Variants in SP3 observed in about 807,000 individuals in gnomAD.
SP3 encodes the protein transcription factor Sp3.
Under a neutral mutation model 70.3 loss-of-function variants are expected in SP3, and 10 were observed. The ratio of observed to expected loss-of-function variants is 0.14; its 90% CI spans 0.09 to 0.24. The LOEUF (loss-of-function observed/expected upper bound fraction) is 0.24. Ranked by LOEUF, SP3 falls within the 10% of genes least tolerant of loss-of-function variation. The pLI is 1.00. For missense variants in SP3, 825 were observed against 914.6 expected (o/e 0.90, Z 1.26); for synonymous variants, 402 against 333.5 (o/e 1.21, Z -2.24).
intron 4 of SP3, among the ~76,000 whole-genome samples, chr2:173,935,739 A>G (rs949941523): frequency 6.6e-6 from 1 of 152,116 alleles, no homozygotes; most frequent in Non-Finnish European, 1.5e-5. Context: ...TCAGCCCTCC[A>G]TCTCTACTAG....
chr2:173,910,328 A>C, intron 6 of SP3, 71 bp from the exon 7 acceptor site: 8 of 1,321,878 alleles, frequency 6.1e-6, no homozygotes, highest in South Asian at 1.2e-5. Flanking sequence ...CTCCCCCAAA[A>C]CAGAAAGTAA....
intron 4 of SP3, among the ~76,000 whole-genome samples, chr2:173,949,812 C>T (rs1433778137): frequency 6.6e-6 from 1 of 152,154 alleles, no homozygotes; most frequent in African/African-American, 2.4e-5. Flanking sequence ...CTTCTATAAA[C>T]TCTTCTTCCA....
At chr2:173,927,276 CTT>C (rs34409340) in intron 4 of SP3, among the ~76,000 whole-genome samples, 64 of 141,970 alleles carry the variant, frequency 4.5e-4, no homozygotes, top group Admixed American at 4.2e-4. Context: ...AACTATATAT[CTT>C]TTTTTTTTTT....
At chr2:173,949,448 C>G (rs1690647538) in intron 4 of SP3, among the ~76,000 whole-genome samples, 1 of 151,614 alleles carries the variant, frequency 6.6e-6, no homozygotes, top group Non-Finnish European at 1.5e-5. Flanking sequence ...AGCACACTGC[C>G]AAGACACTAT....
In SP3 at chr2:173,906,129, A is replaced by G. The variant is rs975547765; in HGVS notation, c.*3812T>C. ...TGCAATTTGGCAGCCCCTCTTAAAA[A>G]TTTTTCCACTCTGTCCCTCACAAAG... On this transcript the variant is annotated 3_prime_UTR_variant, in exon 7 of 7. Transcript: ENST00000310015. 6.6e-6 allele frequency among the ~76,000 whole-genome samples: 1 copy of G among 151,926 alleles called. No individual in the cohort carries two copies. Among genetic ancestry groups the G allele is most frequent in the Admixed American group, 6.6e-5 (1 of 15,194 alleles).
At chr2:173,950,204 G>T (rs1437669824) in intron 4 of SP3, among the ~76,000 whole-genome samples, 1 of 151,564 alleles carries the variant, frequency 6.6e-6, no homozygotes, top group African/African-American at 2.4e-5. Flanking sequence ...CAAAAAAGAA[G>T]GGAACAAAGT....
chr2:173,933,622 T>A (rs774273803), intron 4 of SP3, among the ~76,000 whole-genome samples: 1 of 95,240 alleles, frequency 1.0e-5, no homozygotes, highest in Non-Finnish European at 2.2e-5. Flanking sequence ...TACAAATGAC[T>A]AACATTTATA....
intron 3 of SP3, among the ~76,000 whole-genome samples, chr2:173,962,467 G>A (rs772412726): frequency 7.2e-5 from 11 of 152,192 alleles, no homozygotes; most frequent in Admixed American, 5.2e-4. Context: ...GAAATGAGGT[G>A]AACAGAAGGC....
rs1477846467 is a variant in SP3, at chr2:173,903,690, GA to G, written c.*6250del. 6.6e-6 allele frequency among the ~76,000 whole-genome samples: 1 copy of G among 152,184 alleles called. No individual in the cohort carries two copies. The highest frequency in any genetic ancestry group is 1.5e-5 in the Non-Finnish European group (1 of 68,040). On this transcript the variant is annotated 3_prime_UTR_variant, in exon 7 of 7. Coordinates refer to ENST00000310015, the MANE Select transcript of SP3 (RefSeq NM_003111.5). ...ATAGAAACACAGGCTAATGCTGGCA[GA>G]AAGTCAGTATTCCACAAGACCAACC... is the stretch of plus-strand genomic sequence containing the variant.
In SP3 at chr2:173,906,584, T is replaced by C. The variant is rs1226962476; in HGVS notation, c.*3357A>G. 6.6e-6 allele frequency: 1 copy of C among 152,200 alleles called. No individual in the cohort carries two copies. The highest frequency in any genetic ancestry group is 2.4e-5 in the African/African-American group (1 of 41,456). 9.4% of individuals were successfully genotyped at this position (152,200 alleles called of 1,614,324 possible). A position where few individuals can be genotyped will look rare whatever the true frequency, so the allele number is the denominator to read the frequency against. ...AGGTAGCATAACATGTCAGTTTATA[T>C]TATTTTAAAACCAAATGTTATTCCA... On this transcript the variant is annotated 3_prime_UTR_variant, in exon 7 of 7. Transcript: ENST00000310015.
intron 4 of SP3, among the ~76,000 whole-genome samples, chr2:173,924,342 T>C (rs1409848472): frequency 1.3e-5 from 2 of 152,234 alleles, no homozygotes; most frequent in East Asian, 3.8e-4. Flanking sequence ...AGATCTCATT[T>C]TATAGTCTTA....
intron 4 of SP3, among the ~76,000 whole-genome samples, chr2:173,919,245 G>A (rs1222167298): frequency 6.6e-6 from 1 of 152,244 alleles, no homozygotes; most frequent in East Asian, 1.9e-4. Flanking sequence ...GCTCACTAAA[G>A]ACAATAAATT....
intron 4 of SP3, among the ~76,000 whole-genome samples, chr2:173,924,787 T>C (rs1389039423): frequency 6.6e-6 from 1 of 152,254 alleles, no homozygotes; most frequent in African/African-American, 2.4e-5. Flanking sequence ...TTAGCTTCCC[T>C]GTATATAAAT....
At chr2:173,948,462 A>G (rs1690610341) in intron 4 of SP3, among the ~76,000 whole-genome samples, 1 of 152,128 alleles carries the variant, frequency 6.6e-6, no homozygotes, top group Non-Finnish European at 1.5e-5. Context: ...TAGTGTATAT[A>G]GGGTTTGGTA....
At chr2:173,957,145 A>G (rs1690921655) in intron 3 of SP3, among the ~76,000 whole-genome samples, 1 of 152,218 alleles carries the variant, frequency 6.6e-6, no homozygotes, top group African/African-American at 2.4e-5. Flanking sequence ...CCTAATTTTC[A>G]TGAAGACATA....
chr2:173,916,456 G>GA (rs1689620436), intron 5 of SP3: 2 of 150,824 alleles, frequency 1.3e-5, no homozygotes, highest in African/African-American at 2.4e-5. Context: ...GTAAAACTGG[G>GA]AAAAAACATT....
rs1424016865 is a variant in SP3, at chr2:173,965,146, C to T, written c.7+19G>A. 3 of 1,546,990 alleles carry T rather than the reference C, an allele frequency of 1.9e-6. No individual in the cohort carries two copies. The highest frequency in any genetic ancestry group is 1.2e-5 in the South Asian group (1 of 83,816). On this transcript the variant is annotated intron_variant, in intron 1 of 6. Transcript: ENST00000310015. ...GCGGCGGCGGCAGCAGCAAGGGTTG[C>T]TCTCTCGGCTTTACGTACCGGTCAT...
chr2:173,947,194 G>A (rs1301737638), intron 4 of SP3, among the ~76,000 whole-genome samples: 2 of 152,152 alleles, frequency 1.3e-5, no homozygotes, highest in African/African-American at 4.8e-5. Flanking sequence ...TTCAACACAA[G>A]AAAATTCTTA....
At chr2:173,939,831 T>A (rs1009224033) in intron 4 of SP3, among the ~76,000 whole-genome samples, 72 of 146,112 alleles carry the variant, frequency 4.9e-4, no homozygotes, top group Non-Finnish European at 8.9e-4. Flanking sequence ...AATGTAAAAA[T>A]TTTTTTTAAA....
Sources: allele counts gnomAD v4.1 joint callset (sites outside exome capture counted in the v4.1 genomes callset), GRCh38; gene constraint gnomAD v4.1.1; transcripts MANE v1.5; gene names NCBI Gene and HGNC (gene_info 2026-07-23, HGNC 2026-07-21).